The following CEP89 variants were observed in gnomAD, a reference collection of about 807,000 sequenced individuals.
The protein encoded by CEP89 is centrosomal protein 89, also known as centrosomal protein of 89 kDa.
A neutral mutation model predicts 97.6 loss-of-function variants in CEP89; 95 were observed. The ratio of observed to expected loss-of-function variants is 0.97; its 90% confidence interval spans 0.82 to 1.15. CEP89 has a LOEUF of 1.15. CEP89 is among the 50% of genes most tolerant of loss of function. The pLI is 0.00. For missense variants in CEP89, 869 were observed against 947.7 expected (o/e 0.92, Z 1.09); for synonymous variants, 354 against 349.1 (o/e 1.01, Z -0.16).
At chr19:32,885,474 C>A (rs1969375032) in intron 17 of CEP89, among the ~76,000 whole-genome samples, 1 of 151,146 alleles carries the variant, frequency 6.6e-6, no homozygotes, top group Non-Finnish European at 1.5e-5. Context: ...GCATGTGCCA[C>A]CAAGCCTGGC....
At chr19:32,959,433 G>A (rs965962595) in intron 3 of CEP89, among the ~76,000 whole-genome samples, 6 of 152,100 alleles carry the variant, frequency 3.9e-5, no homozygotes, top group Non-Finnish European at 8.8e-5. Context: ...CCCAGGACAA[G>A]CAACAAAGGA....
At chr19:32,904,596 C>CTTTT (rs550676154) in intron 14 of CEP89, among the ~76,000 whole-genome samples, 4 of 140,652 alleles carry the variant, frequency 2.8e-5, no homozygotes, top group African/African-American at 5.3e-5. Context: ...TTCTTTCTTC[C>CTTTT]TTTTTTTTTT....
intron 18 of CEP89, among the ~76,000 whole-genome samples, chr19:32,879,708 G>A (rs1461592630): frequency 6.6e-6 from 1 of 152,222 alleles, no homozygotes; most frequent in Non-Finnish European, 1.5e-5. Flanking sequence ...TTTCTCTCAA[G>A]AATGAACTTG....
At chr19:32,886,860 C>CT (rs869166157) in intron 17 of CEP89, among the ~76,000 whole-genome samples, 134 of 143,492 alleles carry the variant, frequency 9.3e-4, no homozygotes, top group Middle Eastern at 3.6e-3. Context: ...TTCAGCCTTT[C>CT]TTTTTTTTTT....
chr19:32,890,199 A>G (rs1969483252), intron 16 of CEP89, among the ~76,000 whole-genome samples: 1 of 152,152 alleles, frequency 6.6e-6, no homozygotes, highest in Non-Finnish European at 1.5e-5. Context: ...GGAGATCGAG[A>G]CCATCCTGGC....
chr19:32,938,874 C>A (rs1970629459), intron 6 of CEP89, among the ~76,000 whole-genome samples: 1 of 152,076 alleles, frequency 6.6e-6, no homozygotes, highest in African/African-American at 2.4e-5. Context: ...CACTTGAATC[C>A]AGGAGGCGGA....
At chr19:32,961,705 G>A (rs1200029121) in intron 2 of CEP89, among the ~76,000 whole-genome samples, 6 of 151,648 alleles carry the variant, frequency 4.0e-5, no homozygotes, top group Middle Eastern at 3.2e-3. Context: ...GTACAGTGGC[G>A]CAATCACAGC....
Position 32,936,895 on chromosome 19 carries a change from C to A in CEP89, c.667+736G>T, listed in dbSNP as rs1344471988. ...GACCTCCTCTCTGCTGAGAGCTGAACACTTAACGGGACGACCTGCCTACAG... is the reference window on the plus strand; with the variant it reads ...GACCTCCTCTCTGCTGAGAGCTGAAAACTTAACGGGACGACCTGCCTACAG... On this transcript the variant is annotated intron_variant, in intron 7 of 18. Transcript: ENST00000305768. The surrounding 1 kb of genome is among the most constrained non-coding windows in gnomAD (Gnocchi z 4.5). 6.6e-6 allele frequency: 1 copy of A among 152,154 alleles called. No homozygotes were observed. 9.4% of individuals were successfully genotyped at this position (152,154 alleles called of 1,614,324 possible). A position where few individuals can be genotyped will look rare whatever the true frequency, so the allele number is the denominator to read the frequency against.
At chr19:32,966,328 G>A (rs376740860) in intron 2 of CEP89, 32 bp downstream of exon 2, 56 of 1,293,668 alleles carry the variant, frequency 4.3e-5, no homozygotes, top group Non-Finnish European at 5.9e-5. Flanking sequence ...GAGCACAGGG[G>A]TGACCTCAGT....
At position 32,965,742 on chromosome 19, in the gene CEP89, G is replaced by A. The variant is rs1220133571; in HGVS notation, c.146+618C>T. Among the ~76,000 whole-genome samples the A allele has an allele frequency of 2.7e-5, 4 of 150,722 alleles. No individual in the cohort carries two copies. In the East Asian group the frequency reaches 7.9e-4, roughly 30 times the overall value. On this transcript the variant is annotated intron_variant, in intron 2 of 18. Transcript: ENST00000305768. ...AAAAAAAAAAGAAAATGGGCTGGGTGCGGAGGTTGATGCCTGTAATCCCAG... is the reference window on the plus strand; with the variant it reads ...AAAAAAAAAAGAAAATGGGCTGGGTACGGAGGTTGATGCCTGTAATCCCAG...
chr19:32,913,193 ATAAT>A (rs1234157962), intron 14 of CEP89, among the ~76,000 whole-genome samples: 1 of 149,374 alleles, frequency 6.7e-6, no homozygotes, highest in Non-Finnish European at 1.5e-5. Context: ...TTTCCTATAC[ATAAT>A]TATCATATAT....
At chr19:32,913,444 A>G (rs1970055198) in intron 14 of CEP89, among the ~76,000 whole-genome samples, 1 of 151,820 alleles carries the variant, frequency 6.6e-6, no homozygotes, top group African/African-American at 2.4e-5. Context: ...CATACCATAC[A>G]TAGGTATATA....
At chr19:32,966,844 T>A (rs1380471077) in intron 1 of CEP89, among the ~76,000 whole-genome samples, 2 of 152,170 alleles carry the variant, frequency 1.3e-5, no homozygotes, top group Non-Finnish European at 2.9e-5. Context: ...CTTATTGTTT[T>A]TCGCTTTGTT....
At chr19:32,922,396 G>A (rs2145916844) in intron 12 of CEP89, among the ~76,000 whole-genome samples, 1 of 152,174 alleles carries the variant, frequency 6.6e-6, no homozygotes, top group Middle Eastern at 3.4e-3. Context: ...TTTAAAAAAT[G>A]GCTGGGCATG....
At chr19:32,903,192 AAAAG>A (rs1301424970) in intron 14 of CEP89, among the ~76,000 whole-genome samples, 1 of 152,042 alleles carries the variant, frequency 6.6e-6, no homozygotes, top group Admixed American at 6.6e-5. Flanking sequence ...AAGAAAAAAA[AAAAG>A]AAAACAGAAA....
At chr19:32,948,686 T>C (rs1970848771) in intron 4 of CEP89, among the ~76,000 whole-genome samples, 1 of 152,076 alleles carries the variant, frequency 6.6e-6, no homozygotes, top group African/African-American at 2.4e-5. Context: ...GACCACCCAA[T>C]GCCACTCCAC....
chr19:32,959,274 T>C (rs1157992594), intron 3 of CEP89, among the ~76,000 whole-genome samples: 1 of 152,024 alleles, frequency 6.6e-6, no homozygotes, highest in Non-Finnish European at 1.5e-5. Context: ...CCCTCGTTTC[T>C]GTCTGGAAAG....
At chr19:32,964,841 T>C (rs1374147444) in intron 2 of CEP89, among the ~76,000 whole-genome samples, 1 of 152,120 alleles carries the variant, frequency 6.6e-6, no homozygotes, top group Non-Finnish European at 1.5e-5. Context: ...GAATGATAGA[T>C]ATATTTATTA....
chr19:32,971,765 C>T (rs747278441), intron 1 of CEP89, 71 bp downstream of exon 1: 197 of 1,504,546 alleles, frequency 1.3e-4, no homozygotes, highest in Non-Finnish European at 1.7e-4. Flanking sequence ...AAACCCCAAC[C>T]CGCCCCAACA....
Sources: allele counts gnomAD v4.1 joint callset (sites outside exome capture counted in the v4.1 genomes callset), GRCh38; gene constraint gnomAD v4.1.1; non-coding constraint Gnocchi (gnomAD v3.1); transcripts MANE v1.5; gene names NCBI Gene and HGNC (gene_info 2026-07-23, HGNC 2026-07-21).